GPR183: variants seen among roughly 807,000 people sequenced by gnomAD.
The protein encoded by GPR183 is EBV-induced G-protein coupled receptor 2.
A neutral mutation model predicts 19.7 loss-of-function variants in GPR183; 9 were observed. The ratio of observed to expected loss-of-function variants is 0.46; its 90% confidence interval spans 0.28 to 0.80. The LOEUF is 0.80. GPR183 is among the 30% of genes least tolerant of loss of function. The pLI, the probability that GPR183 is intolerant of heterozygous loss-of-function variation, is 0.13. For missense variants in GPR183, 368 were observed against 446.7 expected (o/e 0.82, Z 1.59); for synonymous variants, 160 against 155.1 (o/e 1.03, Z -0.24).
chr13:99,306,471 A>G (rs763984491), intron 1 of GPR183, among the ~76,000 whole-genome samples: 7 of 152,028 alleles, frequency 4.6e-5, no homozygotes, highest in Non-Finnish European at 8.8e-5. Context: ...TTATTACACT[A>G]TATTGTACTC....
chr13:99,299,166 A>T (rs966275100), intron 1 of GPR183, among the ~76,000 whole-genome samples: 6 of 152,210 alleles, frequency 3.9e-5, no homozygotes, highest in Non-Finnish European at 5.9e-5. Context: ...CTGCATCACC[A>T]AATAAGATGC....
chr13:99,300,576 A>G (rs1284376013), intron 1 of GPR183, among the ~76,000 whole-genome samples: 2 of 152,188 alleles, frequency 1.3e-5, no homozygotes, highest in Non-Finnish European at 2.9e-5. Flanking sequence ...TCTTCCTTTA[A>G]TCATCTTAAG....
At chr13:99,300,984 T>C (rs2044249332) in intron 1 of GPR183, among the ~76,000 whole-genome samples, 1 of 152,240 alleles carries the variant, frequency 6.6e-6, no homozygotes, top group African/African-American at 2.4e-5. Context: ...ATTTAAGATA[T>C]ATTTATATAA....
chr13:99,296,297 T>C, intron 1 of GPR183, 134 bp from the exon 2 acceptor site: 1 of 571,620 alleles, frequency 1.7e-6, no homozygotes, highest in East Asian at 3.2e-5. Flanking sequence ...GTTTTAAAAT[T>C]TCATGACATG....
chr13:99,296,919 T>C (rs9517675), intron 1 of GPR183, among the ~76,000 whole-genome samples: 145,719 of 152,262 alleles, frequency 0.96, 70,079 homozygotes, highest in East Asian at 1. Flanking sequence ...ATGCAATCTA[T>C]ACTTCTACCT....
At chr13:99,297,396 A>G (rs2044192918) in intron 1 of GPR183, among the ~76,000 whole-genome samples, 1 of 152,194 alleles carries the variant, frequency 6.6e-6, no homozygotes, top group South Asian at 2.1e-4. Context: ...AGAACTATAC[A>G]GTATTTCCTT....
intron 1 of GPR183, among the ~76,000 whole-genome samples, chr13:99,305,765 T>C (rs1250447792): frequency 6.6e-6 from 1 of 152,188 alleles, no homozygotes; most frequent in Non-Finnish European, 1.5e-5. Flanking sequence ...AGCATATTCT[T>C]TGTGGTTTTA....
Position 99,295,056 on chromosome 13 carries a change from C to T in GPR183, c.*4G>A, listed in dbSNP as rs1184877666. ...CGTCACTATAAACCAAAATACAATC[C>T]ATTTCACTTTCCATTTGAAGACTTG... On this transcript the variant is annotated 3_prime_UTR_variant, in exon 2 of 2. Transcript: ENST00000376414. The surrounding 1 kb of genome is among the most constrained non-coding windows in gnomAD (Gnocchi z 4.1). 6.2e-7 allele frequency: 1 copy of T among 1,611,472 alleles called. No individual in the cohort carries two copies. The highest frequency in any genetic ancestry group is 1.3e-5 in the African/African-American group (1 of 74,928).
chr13:99,305,209 C>G (rs561962293), intron 1 of GPR183, among the ~76,000 whole-genome samples: 1 of 152,130 alleles, frequency 6.6e-6, no homozygotes, highest in Non-Finnish European at 1.5e-5. Context: ...AGAGATTTAA[C>G]AAAATATTTT....
At chr13:99,304,910 A>G (rs1463512099) in intron 1 of GPR183, among the ~76,000 whole-genome samples, 2 of 152,254 alleles carry the variant, frequency 1.3e-5, no homozygotes, top group Non-Finnish European at 2.9e-5. Flanking sequence ...TCAAAACCTT[A>G]ACGTACACTA....
chr13:99,306,276 GAGA>G (rs1239572099), intron 1 of GPR183, among the ~76,000 whole-genome samples: 3 of 152,272 alleles, frequency 2.0e-5, no homozygotes, highest in Non-Finnish European at 4.4e-5. Context: ...AGAGAGATGG[GAGA>G]AGAATGATGG....
rs749630082 is a variant in GPR183 at position 99,295,517 on chromosome 13, A to G, written c.629T>C (p.Ile210Thr). ...CTGAGAATAGCAGATGAGAATGATT[A>G]TAAGTGGAAGTACATATCCTATGAA... Reference protein sequence around the residue: ...ACFIGYVLPLIIILICYSQIC... With the variant: ...ACFIGYVLPLTIILICYSQIC... Residue 210 changes from isoleucine (I) to threonine (T), a missense_variant, in exon 2 of 2, where the codon ATA (isoleucine) becomes ACA (threonine). Physicochemically the swap from Ile to Thr is moderately conservative, Grantham distance 89. Transcript: ENST00000376414. This position sits in a 1 kb window ranked among gnomAD's most constrained non-coding sequence, Gnocchi z 4.1. 4 of 1,613,996 alleles carry G rather than the reference A, an allele frequency of 2.5e-6. No homozygotes were observed. The highest frequency in any genetic ancestry group is 4.5e-5 in the East Asian group (2 of 44,872).
intron 1 of GPR183, among the ~76,000 whole-genome samples, chr13:99,306,800 CTT>C (rs1020038111): frequency 2.0e-5 from 3 of 152,102 alleles, no homozygotes; most frequent in African/African-American, 7.2e-5. Context: ...GATTGGTACT[CTT>C]TGCTGGCGGG....
Position 99,295,333 on chromosome 13 carries a change from C to T in GPR183, c.813G>A (p.Lys271=). 1 of 1,614,066 alleles carries T rather than the reference C, an allele frequency of 6.2e-7. No homozygotes were observed. Among genetic ancestry groups the T allele is most frequent in the East Asian group, 2.2e-5 (1 of 44,874 alleles). ...ATTCCAGGAAATTAGAGAAACGAAG[C>T]TTCTTAATCATATGTTGAATAATTG... The part of the protein sequence containing the change: ...HVAIIQHMIK[K]LRFSNFLECS... Residue 271 remains lysine (K), a synonymous_variant, in exon 2 of 2, where the codon AAG becomes AAA. Coordinates refer to ENST00000376414, the MANE Select transcript of GPR183 (RefSeq NM_004951.5). The surrounding 1 kb of genome is among the most constrained non-coding windows in gnomAD (Gnocchi z 4.1).
chr13:99,301,621 CAGGTTCTTTCT>C (rs1372699379), intron 1 of GPR183, among the ~76,000 whole-genome samples: 3 of 151,902 alleles, frequency 2.0e-5, no homozygotes, highest in Non-Finnish European at 2.9e-5. Flanking sequence ...CATGAACTGA[CAGGTTCTTTCT>C]AGCCGCAAAA....
intron 1 of GPR183, among the ~76,000 whole-genome samples, chr13:99,304,224 C>T (rs1166564613): frequency 6.6e-6 from 1 of 152,160 alleles, no homozygotes; most frequent in Non-Finnish European, 1.5e-5. Context: ...TCCCACGTTC[C>T]CTCACAACTC....
chr13:99,296,211 A>G (rs562331726), intron 1 of GPR183, 48 bp from the exon 2 acceptor site: 2 of 1,446,810 alleles, frequency 1.4e-6, no homozygotes, highest in African/African-American at 1.4e-5. Context: ...ATATGTATTC[A>G]GTTTGATTAC....
At chr13:99,305,478 A>G (rs979923313) in intron 1 of GPR183, among the ~76,000 whole-genome samples, 3 of 152,218 alleles carry the variant, frequency 2.0e-5, no homozygotes, top group Non-Finnish European at 4.4e-5. Flanking sequence ...AAGCTCTTTT[A>G]AATGTAAGCT....
At chr13:99,298,080 C>G (rs551893774) in intron 1 of GPR183, among the ~76,000 whole-genome samples, 5 of 152,108 alleles carry the variant, frequency 3.3e-5, no homozygotes, top group African/African-American at 1.2e-4. Context: ...CAAAATTTGA[C>G]GGAATTTGAA....
Sources: allele counts gnomAD v4.1 joint callset (sites outside exome capture counted in the v4.1 genomes callset), GRCh38; gene constraint gnomAD v4.1.1; non-coding constraint Gnocchi (gnomAD v3.1); transcripts MANE v1.5; gene names NCBI Gene and HGNC (gene_info 2026-07-23, HGNC 2026-07-21).